FARP1: variants seen among roughly 807,000 people sequenced by gnomAD.
FARP1 encodes the protein FERM, ARHGEF and pleckstrin domain-containing protein 1.
In FARP1, 52 loss-of-function variants were observed where a neutral mutation model predicts 128.8. That is an observed-to-expected ratio of 0.40 (90% CI 0.32 to 0.51). The LOEUF (loss-of-function observed/expected upper bound fraction) is 0.51. FARP1 is among the 20% of genes least tolerant of loss of function. The pLI, the probability that FARP1 is intolerant of heterozygous loss-of-function variation, is 0.45. For missense variants in FARP1, 1,333 were observed against 1,367.9 expected (o/e 0.97, Z 0.40); for synonymous variants, 580 against 551.8 (o/e 1.05, Z -0.72).
intron 1 of FARP1, among the ~76,000 whole-genome samples, chr13:98,146,418 G>A (rs561424091): frequency 2.0e-4 from 30 of 152,302 alleles, no homozygotes; most frequent in African/African-American, 5.8e-4. Context: ...AGTAGAGACG[G>A]GGTTTCTCCA....
intron 9 of FARP1, among the ~76,000 whole-genome samples, chr13:98,388,837 C>T (rs893854897): frequency 5.9e-5 from 9 of 152,236 alleles, no homozygotes; most frequent in African/African-American, 2.2e-4. Flanking sequence ...GTATCCTGCC[C>T]TACCCCAGGC....
At chr13:98,257,050 A>C (rs1883653126) in intron 2 of FARP1, among the ~76,000 whole-genome samples, 1 of 148,756 alleles carries the variant, frequency 6.7e-6, no homozygotes, top group South Asian at 2.1e-4. Flanking sequence ...TTCAGTATAC[A>C]TCTCTAAAAG....
rs1320294888 is a variant in FARP1, at chr13:98,176,123, G to C, written c.-24+32631G>C. ...GTCATCTCTCTCATCTTACTCAACAGGCTGCTTCTCCCCAGTGTACATACA... is the reference window on the plus strand; with the variant it reads ...GTCATCTCTCTCATCTTACTCAACACGCTGCTTCTCCCCAGTGTACATACA... On this transcript the variant is annotated intron_variant, in intron 1 of 26. Coordinates refer to ENST00000319562, the MANE Select transcript of FARP1 (RefSeq NM_005766.4). This position sits in a 1 kb window ranked among gnomAD's most constrained non-coding sequence, Gnocchi z 6.2. 2 of 1,567,570 alleles carry C rather than the reference G, an allele frequency of 1.3e-6. No homozygotes were observed. The highest frequency in any genetic ancestry group is 1.8e-6 in the Non-Finnish European group (2 of 1,141,140).
At position 98,451,173 on chromosome 13, in the gene FARP1, TC is replaced by T. The variant is rs1566336459; in HGVS notation, c.*2857del. 1 of 152,106 alleles carries T rather than the reference TC, an allele frequency of 6.6e-6. No individual in the cohort carries two copies. Among genetic ancestry groups the T allele is most frequent in the African/African-American group, 2.4e-5 (1 of 41,404 alleles). 9.4% of individuals were successfully genotyped at this position (152,106 alleles called of 1,614,324 possible). On this transcript the variant is annotated 3_prime_UTR_variant, in exon 27 of 27. Transcript: ENST00000319562. ...TTGTAAATCTGAAGAACTCTGTAAA[TC>T]AGAAAAGCTGCTGTCCGCCCTGGCT... is the stretch of plus-strand genomic sequence containing the variant.
intron 3 of FARP1, among the ~76,000 whole-genome samples, chr13:98,348,107 T>C (rs1488948401): frequency 6.6e-6 from 1 of 152,208 alleles, no homozygotes; most frequent in African/African-American, 2.4e-5. Flanking sequence ...TTTCTCAAGA[T>C]TGTAAATAAA....
intron 2 of FARP1, among the ~76,000 whole-genome samples, chr13:98,318,638 ACTT>A: frequency 6.6e-6 from 1 of 152,240 alleles, no homozygotes; most frequent in Non-Finnish European, 1.5e-5. Flanking sequence ...GGGCTGCCGC[ACTT>A]TCTCCATTTG....
At position 98,438,772 on chromosome 13, in the gene FARP1, G is replaced by A. The variant is rs766178567; in HGVS notation, c.2275-32G>A. On this transcript the variant is annotated intron_variant, in intron 19 of 26. Coordinates refer to ENST00000319562, the MANE Select transcript of FARP1 (RefSeq NM_005766.4). ...GTCAGCCCTTGGGGTCCGCACGCTC[G>A]CAGCCAGCCCTCCGGTCTGTCTCCC... 5.0e-6 allele frequency: 8 copies of A among 1,602,144 alleles called. No individual in the cohort carries two copies. In the East Asian group the frequency reaches 8.9e-5, roughly 18 times the overall value.
intron 2 of FARP1, among the ~76,000 whole-genome samples, chr13:98,274,676 A>T (rs562307180): frequency 5.3e-5 from 8 of 152,196 alleles, no homozygotes; most frequent in Non-Finnish European, 7.3e-5. Flanking sequence ...CCTCCCCAGC[A>T]GACTTCCTAA....
intron 24 of FARP1, among the ~76,000 whole-genome samples, chr13:98,444,539 G>A (rs761341735): frequency 3.3e-5 from 5 of 152,322 alleles, no homozygotes; most frequent in Non-Finnish European, 5.9e-5. Context: ...GGAGACTCAT[G>A]GCGCGCAGGG....
At chr13:98,257,709 G>A (rs938230314) in intron 2 of FARP1, among the ~76,000 whole-genome samples, 2 of 152,124 alleles carry the variant, frequency 1.3e-5, no homozygotes, top group African/African-American at 4.8e-5. Context: ...GGCGGAGGTT[G>A]TAGTGAGCCG....
chr13:98,205,614 C>T (rs1260942065), intron 1 of FARP1, among the ~76,000 whole-genome samples: 10 of 152,118 alleles, frequency 6.6e-5, no homozygotes, highest in African/African-American at 1.9e-4. Flanking sequence ...AGGGTGGTCT[C>T]GATCTCCTGA....
intron 13 of FARP1, among the ~76,000 whole-genome samples, chr13:98,408,404 C>T (rs1419025708): frequency 6.7e-6 from 1 of 149,014 alleles, no homozygotes; most frequent in African/African-American, 2.5e-5. Context: ...CTCAGTTCAC[C>T]GCAACCTTAC....
rs370887893 is a variant in FARP1 at position 98,343,794 on chromosome 13, A to C, written c.204A>C (p.Ala68=). 9 of 1,614,164 alleles carry C rather than the reference A, an allele frequency of 5.6e-6. 1 individual carries two copies. Among genetic ancestry groups the C allele is most frequent in the Middle Eastern group, 3.3e-4 (2 of 6,060 alleles). ...QRAPGKVLLD[A]VCNHLNLVEG... ...CTCCTGGGAAGGTGCTGCTGGATGC[A>C]GTTTGCAACCACCTCAACCTCGTGG... The change falls in exon 3 of 27, where the codon GCA becomes GCC. Residue 68 remains alanine (A), a synonymous_variant. Transcript: ENST00000319562.
chr13:98,250,507 G>A lies in FARP1; in HGVS notation c.171+37094G>A, dbSNP rs1199545725. On this transcript the variant is annotated intron_variant, in intron 2 of 26. Transcript: ENST00000319562. ...GGAGGCCGAGGCGGGTGGATCACGAGGTCAAGAGTTTGAGACCAGCGTGGC... is the reference window on the plus strand; with the variant it reads ...GGAGGCCGAGGCGGGTGGATCACGAAGTCAAGAGTTTGAGACCAGCGTGGC... 2.0e-5 allele frequency among the ~76,000 whole-genome samples: 3 copies of A among 152,084 alleles called. No individual in the cohort carries two copies. The East Asian group carries it at 5.8e-4, about 29-fold the overall frequency.
chr13:98,388,579 G>A, intron 9 of FARP1, 101 bp downstream of exon 9: 1 of 858,442 alleles, frequency 1.2e-6, no homozygotes, highest in Non-Finnish European at 2.0e-6. Flanking sequence ...CTGAACCTCT[G>A]GCCAGTGCTA....
At chr13:98,255,001 G>A (rs1883517197) in intron 2 of FARP1, among the ~76,000 whole-genome samples, 1 of 150,944 alleles carries the variant, frequency 6.6e-6, no homozygotes, top group Non-Finnish European at 1.5e-5. Flanking sequence ...TTTTTTACTT[G>A]TAGGAGCAAT....
intron 3 of FARP1, among the ~76,000 whole-genome samples, chr13:98,350,416 G>C (rs1164053141): frequency 6.6e-6 from 1 of 152,176 alleles, no homozygotes; most frequent in Non-Finnish European, 1.5e-5. Flanking sequence ...CGTACTTACA[G>C]TGTCCCCCGT....
intron 3 of FARP1, among the ~76,000 whole-genome samples, chr13:98,363,258 G>A (rs542448565): frequency 5.9e-5 from 9 of 152,240 alleles, no homozygotes; most frequent in East Asian, 1.9e-4. Flanking sequence ...GGTTTTTACT[G>A]TCTGTTTTCA....
chr13:98,380,213 G>A lies in FARP1; in HGVS notation c.496+2295G>A, dbSNP rs535381067. 3.6e-4 allele frequency among the ~76,000 whole-genome samples: 55 copies of A among 152,206 alleles called. 1 individual carries two copies. Among genetic ancestry groups the A allele is most frequent in the African/African-American group, 1.2e-3 (49 of 41,538 alleles). On this transcript the variant is annotated intron_variant, in intron 6 of 26. Coordinates refer to ENST00000319562, the MANE Select transcript of FARP1 (RefSeq NM_005766.4). ...TGTAATCCCAGCACTTTGGGAGGCC[G>A]AGGCGGGCGGATCACTTGAGGTCAG... is the stretch of plus-strand genomic sequence containing the variant.
Sources: allele counts gnomAD v4.1 joint callset (sites outside exome capture counted in the v4.1 genomes callset), GRCh38; gene constraint gnomAD v4.1.1; non-coding constraint Gnocchi (gnomAD v3.1); transcripts MANE v1.5; gene names NCBI Gene and HGNC (gene_info 2026-07-23, HGNC 2026-07-21).